SPEF2: variants seen among roughly 807,000 people sequenced by gnomAD.
SPEF2 encodes the protein sperm flagella and cilia-associated protein 2.
SPEF2 carries 187 observed loss-of-function variants against 224.6 expected under a neutral mutation model. The ratio of observed to expected loss-of-function variants is 0.83; its 90% confidence interval spans 0.74 to 0.94. The LOEUF (loss-of-function observed/expected upper bound fraction) is 0.94. Ranked by LOEUF, SPEF2 falls within the 40% of genes least tolerant of loss-of-function variation. The pLI, the probability that SPEF2 is intolerant of heterozygous loss-of-function variation, is 0.00. For missense variants in SPEF2, 2,170 were observed against 2,135.6 expected, an observed-to-expected ratio of 1.02 and a Z score of -0.32; for synonymous variants, 715 against 707.3, an observed-to-expected ratio of 1.01 and a Z score of -0.17.
chr5:35,619,331 A>G (rs1213232577), intron 1 of SPEF2, among the ~76,000 whole-genome samples: 1 of 152,198 alleles, frequency 6.6e-6, no homozygotes, highest in Non-Finnish European at 1.5e-5. Flanking sequence ...GTACTCTTCT[A>G]AAAGAAAAGC....
At chr5:35,736,756 G>T (rs887667069) in intron 21 of SPEF2, among the ~76,000 whole-genome samples, 1 of 152,198 alleles carries the variant, frequency 6.6e-6, no homozygotes, top group African/African-American at 2.4e-5. Flanking sequence ...TGAGGGGAAT[G>T]AGCAGGAGAA....
At position 35,751,078 on chromosome 5, in the gene SPEF2, T is replaced by TACGTATATATATAC. The variant is rs1554048783; in HGVS notation, c.3331-2544_3331-2543insGTATATATATACAC. Among the ~76,000 whole-genome samples the TACGTATATATATAC allele has an allele frequency of 6.5e-3, 147 of 22,648 alleles. 24 individuals are homozygous for TACGTATATATATAC. Among genetic ancestry groups the TACGTATATATATAC allele is most frequent in the Non-Finnish European group, 0.01 (100 of 9,870 alleles). The allele number at this position is 22,648 out of a possible 152,430, so 14.9% of individuals were successfully genotyped here. A position where few individuals can be genotyped will look rare whatever the true frequency, so the allele number is the denominator to read the frequency against. On this transcript the variant is annotated intron_variant, in intron 23 of 36. Transcript: ENST00000356031. ...ATACGTATATATATGTATATATATATACACACACACACACACACATATATA... is the reference window on the plus strand; with the variant it reads ...ATACGTATATATATGTATATATATATACGTATATATATACACACACACACACACACACATATATA...
At chr5:35,647,584 T>G (rs1747569432) in intron 5 of SPEF2, among the ~76,000 whole-genome samples, 1 of 152,082 alleles carries the variant, frequency 6.6e-6, no homozygotes, top group South Asian at 2.1e-4. Flanking sequence ...CCCGGACACC[T>G]CCCGTTAGGT....
chr5:35,646,228 TTTA>T (rs534371795), intron 4 of SPEF2, among the ~76,000 whole-genome samples: 5 of 152,246 alleles, frequency 3.3e-5, no homozygotes, highest in African/African-American at 1.2e-4. Flanking sequence ...GTTTGTGATT[TTTA>T]TTGGGTTTCG....
chr5:35,725,317 T>C (rs371132764), intron 20 of SPEF2, among the ~76,000 whole-genome samples: 2 of 152,326 alleles, frequency 1.3e-5, no homozygotes, highest in South Asian at 2.1e-4. Context: ...AAGAAAGCTA[T>C]CACTGTTAAC....
At chr5:35,643,912 C>T (rs1350996718) in intron 3 of SPEF2, among the ~76,000 whole-genome samples, 2 of 152,214 alleles carry the variant, frequency 1.3e-5, no homozygotes, top group African/African-American at 2.4e-5. Context: ...AGTGGTAAAG[C>T]TGAAACACAA....
At chr5:35,710,978 A>G in intron 19 of SPEF2, 1 of 734,584 alleles carries the variant, frequency 1.4e-6, no homozygotes, top group Non-Finnish European at 1.7e-6. Context: ...ATGGACATTG[A>G]TAGGGCAGGA....
chr5:35,800,516 G>C (rs557485157), intron 34 of SPEF2, among the ~76,000 whole-genome samples: 1 of 152,216 alleles, frequency 6.6e-6, no homozygotes, highest in South Asian at 2.1e-4. Flanking sequence ...AACAAGTTCA[G>C]GTCTACATGC....
intron 20 of SPEF2, among the ~76,000 whole-genome samples, chr5:35,714,222 T>G (rs1742024777): frequency 6.6e-6 from 1 of 150,936 alleles, no homozygotes; most frequent in Non-Finnish European, 1.5e-5. Context: ...TCTTATGACT[T>G]GTTTGAGTTT....
intron 15 of SPEF2, chr5:35,698,438 C>T (rs1432135152): frequency 6.6e-6 from 1 of 152,118 alleles, no homozygotes; most frequent in African/African-American, 2.4e-5. Context: ...TAGGAGGGGC[C>T]TCACTCTAAT....
intron 8 of SPEF2, among the ~76,000 whole-genome samples, chr5:35,661,688 A>C (rs1388503889): frequency 6.6e-6 from 1 of 151,974 alleles, no homozygotes. Context: ...TTGGTTTTCT[A>C]TTCCTGCATT....
At chr5:35,732,640 A>G (rs2149670668) in intron 21 of SPEF2, among the ~76,000 whole-genome samples, 1 of 152,336 alleles carries the variant, frequency 6.6e-6, no homozygotes, top group South Asian at 2.1e-4. Flanking sequence ...GAGCCTGGTT[A>G]TATCCATATT....
chr5:35,754,393 A>G (rs2149731060), intron 24 of SPEF2, among the ~76,000 whole-genome samples: 1 of 152,332 alleles, frequency 6.6e-6, no homozygotes, highest in East Asian at 1.9e-4. Context: ...GAAGTAGGTT[A>G]GAGGGTATGG....
intron 20 of SPEF2, among the ~76,000 whole-genome samples, chr5:35,715,234 A>G (rs1398985703): frequency 3.3e-5 from 5 of 150,892 alleles, no homozygotes; most frequent in Non-Finnish European, 7.4e-5. Flanking sequence ...AGTTTTTTAT[A>G]TAATTGTTTA....
Position 35,700,878 on chromosome 5 carries a change from T to C in SPEF2, c.2398+126T>C, listed in dbSNP as rs540566604. 7 of 1,106,756 alleles carry C rather than the reference T, an allele frequency of 6.3e-6. No individual in the cohort carries two copies. The African/African-American group carries it at 1.1e-4, about 17-fold the overall frequency. The allele number at this position is 1,106,756 out of a possible 1,614,324, so 68.6% of individuals were successfully genotyped here. A position where few individuals can be genotyped will look rare whatever the true frequency, so the allele number is the denominator to read the frequency against. On this transcript the variant is annotated intron_variant, in intron 16 of 36. Transcript: ENST00000356031. ...AATCCACTTCAGCCTATCAAATAAT[T>C]ATCTAGTTGAGCACAGTTGCCTCTT... is the stretch of plus-strand genomic sequence containing the variant.
At position 35,726,246 on chromosome 5, in the gene SPEF2, T is replaced by G. The variant is rs1744638333; in HGVS notation, c.2915-1429T>G. ...CAGTTTTCACTGAACGATCATGATA[T>G]TTAAGAAAAGAAAAAGAAACTCATT... is the stretch of plus-strand genomic sequence containing the variant. On this transcript the variant is annotated intron_variant, in intron 20 of 36. Coordinates refer to ENST00000356031, the MANE Select transcript of SPEF2 (RefSeq NM_024867.4). Among the ~76,000 whole-genome samples the G allele has an allele frequency of 2.0e-5, 3 of 152,206 alleles. No individual in the cohort carries two copies. The South Asian group carries it at 6.2e-4, about 32-fold the overall frequency.
At chr5:35,799,650 T>C (rs1040587754) in intron 33 of SPEF2, among the ~76,000 whole-genome samples, 1 of 152,162 alleles carries the variant, frequency 6.6e-6, no homozygotes, top group South Asian at 2.1e-4. Flanking sequence ...GACAGATAGA[T>C]GGGTCCTTGT....
At chr5:35,766,095 C>T (rs1182359242) in intron 26 of SPEF2, among the ~76,000 whole-genome samples, 1 of 151,952 alleles carries the variant, frequency 6.6e-6, no homozygotes, top group Non-Finnish European at 1.5e-5. Flanking sequence ...CTGTAATTTT[C>T]CTTTCTCATG....
intron 33 of SPEF2, among the ~76,000 whole-genome samples, chr5:35,798,985 C>A (rs1757054750): frequency 6.6e-6 from 1 of 152,156 alleles, no homozygotes; most frequent in South Asian, 2.1e-4. Context: ...TTCATTTATG[C>A]CTAGTTAAAC....
Sources: gnomAD v4.1 joint callset for allele counts (sites outside exome capture counted in the v4.1 genomes callset) on GRCh38, gnomAD v4.1.1 for gene constraint, MANE v1.5 for transcripts, NCBI Gene and HGNC (gene_info 2026-07-23, HGNC 2026-07-21) for gene names.